The following VGLL4 variants were observed in gnomAD, a reference collection of about 807,000 sequenced individuals.
The protein encoded by VGLL4 is transcription cofactor vestigial-like protein 4.
In VGLL4, 7 loss-of-function variants were observed where a neutral mutation model predicts 21.0. The observed-to-expected ratio is 0.33, with a 90% CI of 0.19 to 0.63. The LOEUF is 0.63. Ranked by LOEUF, VGLL4 falls within the 20% of genes least tolerant of loss-of-function variation. VGLL4 has a pLI of 0.78. For synonymous variants in VGLL4, 222 were observed against 173.2 expected (o/e 1.28, Z -2.21); for missense variants, 394 against 425.7 (o/e 0.93, Z 0.66).
At chr3:11,564,405 A>ACCC (rs3839099) in intron 3 of VGLL4, among the ~76,000 whole-genome samples, 5 of 151,214 alleles carry the variant, frequency 3.3e-5, no homozygotes, top group Admixed American at 1.3e-4. Flanking sequence ...GAAACGTAGG[A>ACCC]CCCCCCCACC....
At position 11,557,839 on chromosome 3, in the gene VGLL4, C is replaced by G. The variant is rs1270083092; in HGVS notation, c.*717G>C. 1 of 152,660 alleles carries G rather than the reference C, an allele frequency of 6.6e-6. No individual in the cohort carries two copies. The highest frequency in any genetic ancestry group is 1.5e-5 in the Non-Finnish European group (1 of 68,146). 9.5% of individuals were successfully genotyped at this position (152,660 alleles called of 1,614,324 possible). Reference sequence around the variant, plus strand: ...ATAAAATGCCCGTGATTGGTAGAGTCTGCAGTCCAGTTGCAAGCACCTGAA... The same window carrying G: ...ATAAAATGCCCGTGATTGGTAGAGTGTGCAGTCCAGTTGCAAGCACCTGAA... On this transcript the variant is annotated 3_prime_UTR_variant, in exon 5 of 5. Transcript: ENST00000430365.
At chr3:11,666,334 T>C (rs1032847700) in intron 2 of VGLL4, among the ~76,000 whole-genome samples, 5 of 151,868 alleles carry the variant, frequency 3.3e-5, no homozygotes, top group South Asian at 2.1e-4. Flanking sequence ...CAGCGTGACT[T>C]ACAGGTCATG....
At position 11,577,451 on chromosome 3, in the gene VGLL4, A is replaced by C. The variant is rs151005924; in HGVS notation, c.273-12432T>G. Reference sequence around the variant, plus strand: ...TTACAAAAAATACAAAAATTAGCCAAGTGTGGTGGTGCATGCCTGTAGTCC... The same window carrying C: ...TTACAAAAAATACAAAAATTAGCCACGTGTGGTGGTGCATGCCTGTAGTCC... On this transcript the variant is annotated intron_variant, in intron 2 of 4. Transcript: ENST00000430365. Among the ~76,000 whole-genome samples the C allele has an allele frequency of 4.8e-3, 728 of 152,092 alleles. 5 individuals are homozygous for C. The highest frequency in any genetic ancestry group is 0.017 in the African/African-American group (687 of 41,484).
intron 1 of VGLL4, among the ~76,000 whole-genome samples, chr3:11,638,054 TA>T (rs1274824703): frequency 2.6e-5 from 4 of 152,184 alleles, no homozygotes; most frequent in African/African-American, 9.7e-5. Context: ...TGTACATGCG[TA>T]AGTGCTAAAT....
At chr3:11,647,672 C>T (rs1050115432), upstream of VGLL4, among the ~76,000 whole-genome samples, 8 of 152,142 alleles carry the variant, frequency 5.3e-5, no homozygotes, top group Non-Finnish European at 1.2e-4. Flanking sequence ...TCAACCCATA[C>T]CTTATATGTG....
chr3:11,662,244 GC>G (rs1331982873), intron 2 of VGLL4, among the ~76,000 whole-genome samples: 2 of 152,132 alleles, frequency 1.3e-5, no homozygotes, highest in Admixed American at 6.5e-5. Flanking sequence ...TGCACCCGAA[GC>G]CCACCAGACC....
At chr3:11,583,072 C>A (rs2074275663) in intron 2 of VGLL4, among the ~76,000 whole-genome samples, 1 of 152,162 alleles carries the variant, frequency 6.6e-6, no homozygotes, top group African/African-American at 2.4e-5. Flanking sequence ...AGAAGTGAAG[C>A]AGAAGATTTT....
At chr3:11,587,081 C>A (rs757763509) in intron 2 of VGLL4, among the ~76,000 whole-genome samples, 11 of 152,104 alleles carry the variant, frequency 7.2e-5, no homozygotes, top group Non-Finnish European at 4.4e-5. Context: ...TGGCTAGTGG[C>A]CAAAGAGACT....
chr3:11,643,658 T>C lies in VGLL4; in HGVS notation c.-140A>G, dbSNP rs1322549007. On this transcript the variant is annotated 5_prime_UTR_variant, in exon 1 of 5. In the 5' UTR this introduces an upstream ATG that the reference lacks. Coordinates refer to ENST00000430365, the MANE Select transcript of VGLL4 (RefSeq NM_001128219.3). The stretch of plus-strand genomic sequence containing the variant: ...CCAGCCTCAGACTATCAAAACAAAG[T>C]ATGCAAAAGTTAAAAAAAAAAAAAT... The C allele has an allele frequency of 2.3e-5, 33 of 1,426,850 alleles. No homozygotes were observed. In the Admixed American group the frequency reaches 9.3e-4, roughly 40 times the overall value. 88.4% of individuals were successfully genotyped at this position (1,426,850 alleles called of 1,614,324 possible).
At chr3:11,661,870 T>C (rs2076044430) in intron 2 of VGLL4, among the ~76,000 whole-genome samples, 2 of 152,130 alleles carry the variant, frequency 1.3e-5, no homozygotes, top group South Asian at 4.1e-4. Context: ...GATTAAAAGA[T>C]AGCAAAGTTC....
chr3:11,562,351 T>G (rs1015816585), intron 3 of VGLL4, among the ~76,000 whole-genome samples: 1 of 152,136 alleles, frequency 6.6e-6, no homozygotes, highest in Non-Finnish European at 1.5e-5. Flanking sequence ...CTGGGAACTT[T>G]CCTGTCCCAG....
intron 1 of VGLL4, among the ~76,000 whole-genome samples, chr3:11,717,490 ATTTTTT>A (rs60921966): frequency 8.2e-5 from 6 of 72,938 alleles, no homozygotes; most frequent in African/African-American, 1.3e-4. Flanking sequence ...CCCACTACAG[ATTTTTT>A]TTTTTTTTTT....
intron 1 of VGLL4, among the ~76,000 whole-genome samples, chr3:11,603,724 G>C (rs890851068): frequency 6.6e-6 from 1 of 152,154 alleles, no homozygotes; most frequent in African/African-American, 2.4e-5. Context: ...GGCAGGATGC[G>C]AGGGGATGAG....
chr3:11,649,894 T>TGTTTGGTTTG (rs1559923471), intron 2 of VGLL4, among the ~76,000 whole-genome samples: 5 of 134,888 alleles, frequency 3.7e-5, no homozygotes, highest in African/African-American at 1.3e-4. Flanking sequence ...ACAAGTGCTC[T>TGTTTGGTTTG]ATTTGGTTTG....
upstream of VGLL4, among the ~76,000 whole-genome samples, chr3:11,648,847 CA>C (rs1247695221): frequency 1.3e-5 from 2 of 152,244 alleles, no homozygotes; most frequent in African/African-American, 4.8e-5. Flanking sequence ...ACCAATTTAA[CA>C]AAAAGACTTT....
upstream of VGLL4, among the ~76,000 whole-genome samples, chr3:11,646,955 T>C (rs1190399397): frequency 1.3e-5 from 2 of 152,242 alleles, no homozygotes; most frequent in African/African-American, 4.8e-5. Context: ...AGCAATTCGA[T>C]AGACTAATTT....
chr3:11,587,942 G>A (rs572825723), intron 2 of VGLL4, among the ~76,000 whole-genome samples: 69 of 152,334 alleles, frequency 4.5e-4, no homozygotes, highest in Middle Eastern at 6.8e-3. Context: ...ACTGAACCTC[G>A]CGCATGTGTG....
At chr3:11,563,608 G>A (rs962225504) in intron 3 of VGLL4, among the ~76,000 whole-genome samples, 1 of 152,204 alleles carries the variant, frequency 6.6e-6, no homozygotes, top group African/African-American at 2.4e-5. Flanking sequence ...CTCGTAAAAC[G>A]TTGAAATGAA....
At chr3:11,572,161 T>C (rs2073801444) in intron 2 of VGLL4, among the ~76,000 whole-genome samples, 1 of 152,186 alleles carries the variant, frequency 6.6e-6, no homozygotes, top group Non-Finnish European at 1.5e-5. Flanking sequence ...GTATCTTTAT[T>C]ATCATCAGCT....
Sources: allele counts gnomAD v4.1 joint callset (sites outside exome capture counted in the v4.1 genomes callset), GRCh38; gene constraint gnomAD v4.1.1; transcripts MANE v1.5; gene names NCBI Gene and HGNC (gene_info 2026-07-23, HGNC 2026-07-21).